The following ZMYND8 variants were observed in gnomAD, a reference collection of about 807,000 sequenced individuals.
The protein encoded by ZMYND8 is MYND-type zinc finger-containing chromatin reader ZMYND8.
Under a neutral mutation model 140.8 loss-of-function variants are expected in ZMYND8, and 37 were observed. The observed-to-expected ratio is 0.26, with a 90% CI of 0.20 to 0.35. The LOEUF is 0.35. Ranked by LOEUF, ZMYND8 falls within the 10% of genes least tolerant of loss-of-function variation. The pLI, the probability that ZMYND8 is intolerant of heterozygous loss-of-function variation, is 1.00. For synonymous variants in ZMYND8, 592 were observed against 597.1 expected, an observed-to-expected ratio of 0.99 and a Z score of 0.12; for missense variants, 1,068 against 1,570.0, an observed-to-expected ratio of 0.68 and a Z score of 5.40.
chr20:47,315,359 A>G (rs997686585), intron 2 of ZMYND8, among the ~76,000 whole-genome samples: 1 of 152,198 alleles, frequency 6.6e-6, no homozygotes, highest in South Asian at 2.1e-4. Flanking sequence ...AGTTGATGAG[A>G]GTTCAGTGAC....
Position 47,311,111 on chromosome 20 carries a change from G to A in ZMYND8, c.86-907C>T, listed in dbSNP as rs544181612. On this transcript the variant is annotated intron_variant, in intron 2 of 22. Coordinates refer to ENST00000471951, the MANE Select transcript of ZMYND8 (RefSeq NM_001281775.3). ...TTGTGGAAAACAACATCATTTATTC[G>A]TGTTTAATAGGCTATGAACTGTAAT... 4.6e-5 allele frequency among the ~76,000 whole-genome samples: 7 copies of A among 152,270 alleles called. No individual in the cohort carries two copies. In the South Asian group the frequency reaches 1.2e-3, roughly 27 times the overall value.
chr20:47,211,958 C>G (rs1370363820), intron 22 of ZMYND8, among the ~76,000 whole-genome samples: 1 of 152,166 alleles, frequency 6.6e-6, no homozygotes, highest in East Asian at 1.9e-4. Context: ...GGAGAGAACT[C>G]TTCTTAGTCA....
intron 2 of ZMYND8, among the ~76,000 whole-genome samples, chr20:47,315,517 C>T (rs962882082): frequency 6.6e-6 from 1 of 151,920 alleles, no homozygotes; most frequent in East Asian, 1.9e-4. Flanking sequence ...AGCAGGGGGG[C>T]ATTATTACTT....
At chr20:47,265,325 G>A (rs998696671) in intron 11 of ZMYND8, among the ~76,000 whole-genome samples, 28 of 152,056 alleles carry the variant, frequency 1.8e-4, no homozygotes, top group African/African-American at 4.3e-4. Context: ...TGACAAGGAC[G>A]TCCAACCCTA....
At chr20:47,245,838 T>C (rs2040503762) in intron 14 of ZMYND8, among the ~76,000 whole-genome samples, 170 bp downstream of exon 14, 1 of 152,250 alleles carries the variant, frequency 6.6e-6, no homozygotes, top group Admixed American at 6.5e-5. Flanking sequence ...TATGACTAGC[T>C]AGGCAACCTT....
intron 1 of ZMYND8, among the ~76,000 whole-genome samples, chr20:47,349,305 C>A (rs1208709129): frequency 2.0e-5 from 3 of 152,152 alleles, no homozygotes. Flanking sequence ...TGATTTTGAA[C>A]CCCGTTAACA....
intron 10 of ZMYND8, 42 bp downstream of exon 10, chr20:47,282,060 T>C: frequency 6.5e-7 from 1 of 1,529,748 alleles, no homozygotes; most frequent in Non-Finnish European, 9.0e-7. Context: ...GTATCAAAGT[T>C]CAGTGAAAGC....
At chr20:47,243,901 A>C (rs999289353) in intron 14 of ZMYND8, among the ~76,000 whole-genome samples, 2 of 152,214 alleles carry the variant, frequency 1.3e-5, no homozygotes, top group Admixed American at 6.5e-5. Flanking sequence ...AGTCTCTCAA[A>C]ACCCAATCCA....
intron 11 of ZMYND8, among the ~76,000 whole-genome samples, chr20:47,266,980 A>G (rs1472943188): frequency 2.6e-5 from 4 of 152,248 alleles, no homozygotes; most frequent in Non-Finnish European, 1.5e-5. Context: ...AGCACTGTTC[A>G]CAATAGGCAA....
At chr20:47,220,678 A>C (rs184729146) in intron 20 of ZMYND8, among the ~76,000 whole-genome samples, 12 of 152,360 alleles carry the variant, frequency 7.9e-5, no homozygotes, top group African/African-American at 2.6e-4. Flanking sequence ...CTTTTAATTC[A>C]TGCTAGCCTC....
chr20:47,304,220 C>T (rs1187641119), intron 3 of ZMYND8, among the ~76,000 whole-genome samples: 1 of 152,156 alleles, frequency 6.6e-6, no homozygotes, highest in African/African-American at 2.4e-5. Context: ...TCTTATTTCC[C>T]TGCTTCCATA....
intron 12 of ZMYND8, among the ~76,000 whole-genome samples, chr20:47,259,129 G>C (rs1489142464): frequency 6.6e-6 from 1 of 152,074 alleles, no homozygotes; most frequent in East Asian, 1.9e-4. Flanking sequence ...TTTCAGCAAA[G>C]AGCTATTCTT....
intron 17 of ZMYND8, 131 bp from the exon 18 acceptor site, chr20:47,227,412 G>T: frequency 1.2e-6 from 1 of 842,692 alleles, no homozygotes; most frequent in Non-Finnish European, 1.9e-6. Context: ...ATAGTCCAGA[G>T]AGGTGATCAC....
At chr20:47,330,048 C>A (rs1398315839) in intron 2 of ZMYND8, among the ~76,000 whole-genome samples, 1 of 152,170 alleles carries the variant, frequency 6.6e-6, no homozygotes, top group Non-Finnish European at 1.5e-5. Flanking sequence ...AAAAGAACTT[C>A]TCTGTGGGAG....
At chr20:47,348,086 GA>G in intron 1 of ZMYND8, 160 bp from the exon 2 acceptor site, 2 of 718,598 alleles carry the variant, frequency 2.8e-6, no homozygotes, top group Non-Finnish European at 4.9e-6. Flanking sequence ...AACAAAGTGT[GA>G]AGAGTCCTAA....
At chr20:47,332,890 A>G (rs746658121) in intron 2 of ZMYND8, among the ~76,000 whole-genome samples, 9 of 152,230 alleles carry the variant, frequency 5.9e-5, no homozygotes, top group Non-Finnish European at 1.3e-4. Flanking sequence ...CTAGCCAGAA[A>G]GTGGACACAA....
intron 3 of ZMYND8, among the ~76,000 whole-genome samples, chr20:47,304,661 T>A (rs2078341952): frequency 6.6e-6 from 1 of 152,228 alleles, no homozygotes; most frequent in African/African-American, 2.4e-5. Context: ...GCTTCAGCTA[T>A]CATTCTCCTA....
At chr20:47,226,632 G>C (rs953509992) in intron 18 of ZMYND8, among the ~76,000 whole-genome samples, 1 of 145,528 alleles carries the variant, frequency 6.9e-6, no homozygotes, top group Non-Finnish European at 1.5e-5. Context: ...GAAAACTGGG[G>C]ATATGTCCAC....
At chr20:47,300,597 C>A (rs1191492830) in intron 3 of ZMYND8, among the ~76,000 whole-genome samples, 1 of 152,196 alleles carries the variant, frequency 6.6e-6, no homozygotes, top group Admixed American at 6.6e-5. Context: ...TCAGTTTTGT[C>A]TTTTCCTATC....
Sources: allele counts gnomAD v4.1 joint callset (sites outside exome capture counted in the v4.1 genomes callset), GRCh38; gene constraint gnomAD v4.1.1; transcripts MANE v1.5; gene names NCBI Gene and HGNC (gene_info 2026-07-23, HGNC 2026-07-21).